PLAC1: variants seen among roughly 807,000 people sequenced by gnomAD.
The protein encoded by PLAC1 is placenta-specific protein 1.
For synonymous variants in PLAC1, 68 were observed against 62.1 expected, an observed-to-expected ratio of 1.09 and a Z score of -0.44; for missense variants, 136 against 163.2, an observed-to-expected ratio of 0.83 and a Z score of 0.91.
intron 2 of PLAC1, among the ~76,000 whole-genome samples, chrX:134,691,118 T>TC (rs1243771263): frequency 3.0e-5 from 3 of 100,694 alleles, no homozygotes; most frequent in Non-Finnish European, 6.0e-5. Flanking sequence ...CTTTTTTCTT[T>TC]TTTTTTTTTT....
chrX:134,587,485 C>G (rs1038100319), intron 2 of PLAC1, among the ~76,000 whole-genome samples: 1 of 110,646 alleles, frequency 9.0e-6, no homozygotes, highest in Non-Finnish European at 1.9e-5. Context: ...GGAGGCTGAG[C>G]TGGGAGGATC....
intron 1 of PLAC1, among the ~76,000 whole-genome samples, chrX:134,745,992 T>C (rs1450286325): frequency 2.7e-5 from 3 of 111,738 alleles, no homozygotes; most frequent in Non-Finnish European, 5.6e-5. Flanking sequence ...GGGAGGTAAG[T>C]AACCCCTAAA....
intron 1 of PLAC1, among the ~76,000 whole-genome samples, chrX:134,644,483 G>A (rs2078322281): frequency 9.1e-6 from 1 of 110,134 alleles, no homozygotes; most frequent in African/African-American, 3.3e-5. Flanking sequence ...TGCAGGATGT[G>A]CAGGTTTGTT....
chrX:134,704,789 G>C (rs1235849815), intron 2 of PLAC1, among the ~76,000 whole-genome samples: 2 of 102,202 alleles, frequency 2.0e-5, no homozygotes, highest in Admixed American at 2.2e-4. Flanking sequence ...TCAGGAGTTA[G>C]AGACCAGCCT....
rs757957758 is a variant in PLAC1 at position 134,572,965 on chromosome X, A to C, written c.-58-6225T>G. ...TCATGGTTCATCTCATACACAAATA[A>C]AGGTTGCAAAATAAATAAGAATCCA... On this transcript the variant is annotated intron_variant, in intron 2 of 2. Transcript: ENST00000359237. 2.3e-4 allele frequency among the ~76,000 whole-genome samples: 26 copies of C among 111,975 alleles called. No homozygotes were observed. The South Asian group carries it at 9.7e-3, about 42-fold the overall frequency.
chrX:134,658,722 T>G (rs777688886), upstream of PLAC1, among the ~76,000 whole-genome samples: 1 of 111,710 alleles, frequency 9.0e-6, no homozygotes, highest in South Asian at 3.8e-4. Flanking sequence ...CATGTCACCT[T>G]GACAGAACTC....
chrX:134,647,259 T>C (rs1436054790), intron 1 of PLAC1, among the ~76,000 whole-genome samples: 1 of 112,039 alleles, frequency 8.9e-6, no homozygotes, highest in Non-Finnish European at 1.9e-5. Flanking sequence ...CTCATTATTG[T>C]GCCCCATCCC....
At chrX:134,690,461 A>G (rs2078532058) in intron 2 of PLAC1, among the ~76,000 whole-genome samples, 1 of 111,019 alleles carries the variant, frequency 9.0e-6, no homozygotes, top group Non-Finnish European at 1.9e-5. Context: ...CCAAGACAAT[A>G]TCCCAGACCT....
At chrX:134,622,954 G>A (rs2078218678) in intron 1 of PLAC1, among the ~76,000 whole-genome samples, 1 of 111,682 alleles carries the variant, frequency 9.0e-6, no homozygotes, top group South Asian at 3.8e-4. Flanking sequence ...TGGTAAAAAT[G>A]TCTTCCCTGG....
chrX:134,673,171 G>A (rs2078461729), intron 2 of PLAC1, among the ~76,000 whole-genome samples: 1 of 108,908 alleles, frequency 9.2e-6, no homozygotes, highest in Non-Finnish European at 1.9e-5. Flanking sequence ...AAGGAAAGAA[G>A]GAAGACAGGG....
intron 2 of PLAC1, among the ~76,000 whole-genome samples, chrX:134,578,898 G>A (rs1348788458): frequency 1.8e-5 from 2 of 110,241 alleles, no homozygotes; most frequent in East Asian, 5.8e-4. Flanking sequence ...CCTTGGAACT[G>A]CAGTCTATGG....
chrX:134,638,364 AT>A (rs1359699582), intron 1 of PLAC1, among the ~76,000 whole-genome samples: 1 of 112,422 alleles, frequency 8.9e-6, no homozygotes, highest in Non-Finnish European at 1.9e-5. Flanking sequence ...TTTCTAAGAT[AT>A]TTTTTTGTGA....
At position 134,617,001 on chromosome X, in the gene PLAC1, G is replaced by A. The variant is rs1002076433; in HGVS notation, c.-130-14879C>T. On this transcript the variant is annotated intron_variant, in intron 1 of 2. Coordinates refer to ENST00000359237, the MANE Select transcript of PLAC1 (RefSeq NM_021796.4). Reference sequence around the variant, plus strand: ...TCTTTCTTTTTTTTTTTGGTGGGGGGGTGGGGAGACTGGGTCTGGCTCTTT... The same window carrying A: ...TCTTTCTTTTTTTTTTTGGTGGGGGAGTGGGGAGACTGGGTCTGGCTCTTT... Among the ~76,000 whole-genome samples, 6 of 106,480 alleles carry A rather than the reference G, an allele frequency of 5.6e-5. No homozygotes were observed. The Admixed American group carries it at 6.0e-4, about 11-fold the overall frequency. 92.5% of individuals were successfully genotyped at this position (106,480 alleles called of 115,157 possible). A position where few individuals can be genotyped will look rare whatever the true frequency, so the allele number is the denominator to read the frequency against.
intron 1 of PLAC1, among the ~76,000 whole-genome samples, chrX:134,744,005 C>T (rs1035672855): frequency 1.8e-5 from 2 of 112,124 alleles, no homozygotes; most frequent in Admixed American, 1.9e-4. Context: ...CATTTTGGGC[C>T]GGGCGCGGTG....
chrX:134,712,042 A>G (rs1402502442), intron 2 of PLAC1, among the ~76,000 whole-genome samples: 1 of 111,697 alleles, frequency 9.0e-6, no homozygotes, highest in African/African-American at 3.3e-5. Context: ...AAACATATAA[A>G]AAGAGATTCT....
chrX:134,709,634 C>T (rs1415118890), intron 2 of PLAC1, among the ~76,000 whole-genome samples: 1 of 110,741 alleles, frequency 9.0e-6, no homozygotes, highest in African/African-American at 3.3e-5. Context: ...ATAGTATTGG[C>T]AGATGGATAA....
At position 134,587,688 on chromosome X, in the gene PLAC1, C is replaced by G. The variant is rs933693887; in HGVS notation, c.-59+14363G>C. ...CCAGAACAATTTCATGAAGAGAGGG[C>G]CCAGGTACATCACAGAAAATGGTAA... On this transcript the variant is annotated intron_variant, in intron 2 of 2. Coordinates refer to ENST00000359237, the MANE Select transcript of PLAC1 (RefSeq NM_021796.4). Among the ~76,000 whole-genome samples the G allele has an allele frequency of 2.7e-5, 3 of 111,596 alleles. No individual in the cohort carries two copies. The Admixed American group carries it at 2.9e-4, about 11-fold the overall frequency.
chrX:134,569,256 C>A (rs2077892920), intron 2 of PLAC1, among the ~76,000 whole-genome samples: 1 of 111,358 alleles, frequency 9.0e-6, no homozygotes, highest in Non-Finnish European at 1.9e-5. Flanking sequence ...GACTGTTGTC[C>A]CTCAAGCAAT....
At chrX:134,657,062 A>T (rs1261450177) in intron 1 of PLAC1, among the ~76,000 whole-genome samples, 1 of 111,969 alleles carries the variant, frequency 8.9e-6, no homozygotes, top group African/African-American at 3.2e-5. Flanking sequence ...CCGTGAGAAG[A>T]TGCTTTGTTC....
Sources: allele counts gnomAD v4.1 joint callset (sites outside exome capture counted in the v4.1 genomes callset), GRCh38; gene constraint gnomAD v4.1.1; transcripts MANE v1.5; gene names NCBI Gene and HGNC (gene_info 2026-07-23, HGNC 2026-07-21).